Variants in HGD observed in about 807,000 individuals in gnomAD.
HGD encodes the protein homogentisate 1,2-dioxygenase.
HGD carries 61 observed loss-of-function variants against 60.8 expected under a neutral mutation model. The ratio of observed to expected loss-of-function variants is 1.00; its 90% confidence interval spans 0.82 to 1.24. The LOEUF is 1.24. HGD is among the 50% of genes most tolerant of loss of function. HGD has a pLI of 0.00. For synonymous variants in HGD, 212 were observed against 187.7 expected, an observed-to-expected ratio of 1.13 and a Z score of -1.06; for missense variants, 542 against 547.1, an observed-to-expected ratio of 0.99 and a Z score of 0.09.
intron 7 of HGD, 91 bp downstream of exon 7, chr3:120,647,786 A>G (rs1179398762): frequency 9.8e-7 from 1 of 1,024,624 alleles, no homozygotes; most frequent in Non-Finnish European, 1.6e-6. Flanking sequence ...CAGATTGGAG[A>G]ATGAAGGAAA....
intron 3 of HGD, among the ~76,000 whole-genome samples, chr3:120,672,530 G>C (rs1342184308): frequency 1.3e-5 from 2 of 152,150 alleles, no homozygotes; most frequent in Non-Finnish European, 2.9e-5. Context: ...CCAACATTGA[G>C]CCATCTGGGG....
At chr3:120,646,783 A>G (rs1003867971) in intron 8 of HGD, among the ~76,000 whole-genome samples, 190 bp downstream of exon 8, 21 of 152,200 alleles carry the variant, frequency 1.4e-4, no homozygotes, top group Non-Finnish European at 2.9e-5. Flanking sequence ...ATTATGTGCT[A>G]TATTAAAAGA....
intron 2 of HGD, 49 bp from the exon 3 acceptor site, chr3:120,675,038 C>A (rs1346234304): frequency 1.6e-6 from 2 of 1,267,270 alleles, no homozygotes; most frequent in South Asian, 2.4e-5. Context: ...CGAAAAGCAT[C>A]CCACCTTCCC....
At chr3:120,675,301 G>A (rs750816088) in intron 2 of HGD, among the ~76,000 whole-genome samples, 10 of 151,220 alleles carry the variant, frequency 6.6e-5, no homozygotes, top group Non-Finnish European at 1.3e-4. Flanking sequence ...TATCATACCT[G>A]TAACCCTGTA....
intron 4 of HGD, among the ~76,000 whole-genome samples, chr3:120,656,358 A>G (rs2107527124): frequency 6.6e-6 from 1 of 152,338 alleles, no homozygotes; most frequent in South Asian, 2.1e-4. Context: ...TATTTATACT[A>G]TATGCTATTG....
At chr3:120,644,226 A>G (rs1941084932) in intron 10 of HGD, 93 bp downstream of exon 10, 1 of 1,431,540 alleles carries the variant, frequency 7.0e-7, no homozygotes, top group African/African-American at 1.4e-5. Flanking sequence ...CAACGAAAGG[A>G]TATATGTAAA....
intron 10 of HGD, 111 bp downstream of exon 10, chr3:120,644,208 T>TA: frequency 4.0e-6 from 5 of 1,255,696 alleles, no homozygotes; most frequent in Non-Finnish European, 5.8e-6. Flanking sequence ...GCCGTAGTGG[T>TA]ATGATAACAA....
At chr3:120,671,267 C>T (rs1340864617) in intron 3 of HGD, among the ~76,000 whole-genome samples, 2 of 152,138 alleles carry the variant, frequency 1.3e-5, no homozygotes, top group Non-Finnish European at 2.9e-5. Flanking sequence ...CCCACATCTT[C>T]ACAAATCTGG....
At chr3:120,681,013 T>C (rs924124483) in intron 1 of HGD, among the ~76,000 whole-genome samples, 1 of 152,182 alleles carries the variant, frequency 6.6e-6, no homozygotes, top group Non-Finnish European at 1.5e-5. Flanking sequence ...AGAATGAGAG[T>C]TAACTTTTAG....
At chr3:120,671,770 A>G (rs1002162372) in intron 3 of HGD, among the ~76,000 whole-genome samples, 4 of 152,228 alleles carry the variant, frequency 2.6e-5, no homozygotes, top group African/African-American at 9.6e-5. Flanking sequence ...GGATAAAGAA[A>G]ATGTGGTACA....
At chr3:120,680,921 G>T (rs188926821) in intron 1 of HGD, among the ~76,000 whole-genome samples, 3 of 151,782 alleles carry the variant, frequency 2.0e-5, no homozygotes, top group East Asian at 1.9e-4. Flanking sequence ...ATTTTTTTTT[G>T]ACTCTACCTA....
Position 120,642,764 on chromosome 3 carries a change from C to G in HGD, c.775-1071G>C, listed in dbSNP as rs149687715. 9.3e-3 allele frequency among the ~76,000 whole-genome samples: 1,411 copies of G among 152,284 alleles called. 22 individuals are homozygous for G. The highest frequency in any genetic ancestry group is 0.032 in the African/African-American group (1,342 of 41,532). ...CTGTCAGAAACACAGTCCTAAACAG[C>G]GAGGAAGCAGGGGAAGAAATATCCC... On this transcript the variant is annotated intron_variant, in intron 10 of 13. Transcript: ENST00000283871.
At chr3:120,640,531 C>G (rs1940936736) in intron 11 of HGD, among the ~76,000 whole-genome samples, 1 of 152,218 alleles carries the variant, frequency 6.6e-6, no homozygotes, top group African/African-American at 2.4e-5. Context: ...ATGATCAGAA[C>G]TGAATTTTGG....
At chr3:120,656,614 C>T (rs549833514) in intron 4 of HGD, among the ~76,000 whole-genome samples, 24 of 151,874 alleles carry the variant, frequency 1.6e-4, no homozygotes, top group African/African-American at 2.2e-4. Flanking sequence ...TGCAGTGGCG[C>T]GATATTGGCT....
chr3:120,640,913 T>C (rs1940948706), intron 11 of HGD, among the ~76,000 whole-genome samples: 1 of 152,176 alleles, frequency 6.6e-6, no homozygotes, highest in Non-Finnish European at 1.5e-5. Flanking sequence ...GTTAGGTTCA[T>C]CTCTTATGAA....
chr3:120,635,598 A>G (rs1940744757), intron 12 of HGD, among the ~76,000 whole-genome samples: 1 of 152,096 alleles, frequency 6.6e-6, no homozygotes, highest in Non-Finnish European at 1.5e-5. Flanking sequence ...ACATCAAAGC[A>G]GCAAAGATTT....
At chr3:120,637,631 T>C (rs1186895874) in intron 12 of HGD, among the ~76,000 whole-genome samples, 1 of 150,970 alleles carries the variant, frequency 6.6e-6, no homozygotes, top group Non-Finnish European at 1.5e-5. Flanking sequence ...TCTCTCTCTG[T>C]CTCTCTCTTC....
chr3:120,675,120 T>C (rs879110310), intron 2 of HGD, 131 bp from the exon 3 acceptor site: 12 of 685,660 alleles, frequency 1.8e-5, no homozygotes, highest in South Asian at 1.6e-4. Flanking sequence ...CCGATATGTT[T>C]CTTGTAACAA....
intron 4 of HGD, among the ~76,000 whole-genome samples, chr3:120,670,073 T>C (rs1576314793): frequency 6.6e-6 from 1 of 152,184 alleles, no homozygotes. Flanking sequence ...AAGGGGATTT[T>C]CCCCCTTTCA....
Sources: gnomAD v4.1 joint callset for allele counts (sites outside exome capture counted in the v4.1 genomes callset) on GRCh38, gnomAD v4.1.1 for gene constraint, MANE v1.5 for transcripts, NCBI Gene and HGNC (gene_info 2026-07-23, HGNC 2026-07-21) for gene names.